The following CCDC63 variants were observed in gnomAD, a reference collection of about 807,000 sequenced individuals.
CCDC63 encodes coiled-coil domain-containing protein 63.
CCDC63 carries 54 observed loss-of-function variants against 63.6 expected under a neutral mutation model. The ratio of observed to expected loss-of-function variants is 0.85; its 90% CI spans 0.68 to 1.07. CCDC63 has a LOEUF of 1.07. Among genes scored for constraint, CCDC63 ranks in the 50% least tolerant of loss-of-function variants. The pLI is 0.00. For missense variants in CCDC63, 637 were observed against 689.6 expected, an observed-to-expected ratio of 0.92 and a Z score of 0.86; for synonymous variants, 253 against 266.1, an observed-to-expected ratio of 0.95 and a Z score of 0.48.
chr12:110,845,344 A>C (rs115112752), upstream of CCDC63, among the ~76,000 whole-genome samples: 2,150 of 152,138 alleles, frequency 0.014, 54 homozygotes, highest in African/African-American at 0.048. Flanking sequence ...GGCTGCTCAG[A>C]TTTGGGGCTG....
chr12:110,891,251 C>T (rs1353204124), intron 8 of CCDC63, among the ~76,000 whole-genome samples: 1 of 151,500 alleles, frequency 6.6e-6, no homozygotes, highest in African/African-American at 2.4e-5. Context: ...GCAGAGGTTG[C>T]AGTAAGCTGA....
chr12:110,883,663 G>A (rs970200619), intron 7 of CCDC63, among the ~76,000 whole-genome samples: 2 of 151,880 alleles, frequency 1.3e-5, no homozygotes, highest in Non-Finnish European at 2.9e-5. Flanking sequence ...TTTTTGAGAT[G>A]GAGTCTTGCT....
rs1366037857 is a variant in CCDC63, at chr12:110,881,300, C to T, written c.853+4C>T. 2.5e-6 allele frequency: 4 copies of T among 1,612,554 alleles called. No homozygotes were observed. In the Admixed American group the frequency reaches 6.7e-5, roughly 27 times the overall value. Reference sequence around the variant, plus strand: ...GAGCAGGCCAAAAGGGAGGAAGGTACACCCTCCAGGAGCAAGCTTGTGCTC... The same window carrying T: ...GAGCAGGCCAAAAGGGAGGAAGGTATACCCTCCAGGAGCAAGCTTGTGCTC... On this transcript the variant is annotated splice_donor_region_variant and intron_variant, in intron 7 of 11. Transcript: ENST00000308208.
chr12:110,868,918 C>T (rs1174179500), intron 4 of CCDC63, among the ~76,000 whole-genome samples: 1 of 152,152 alleles, frequency 6.6e-6, no homozygotes, highest in African/African-American at 2.4e-5. Context: ...TCATCTCTGC[C>T]ATCCTGTCAT....
At chr12:110,881,438 G>A in intron 7 of CCDC63, 142 bp downstream of exon 7, 1 of 828,022 alleles carries the variant, frequency 1.2e-6, no homozygotes, top group Non-Finnish European at 1.8e-6. Flanking sequence ...GCCTAGTTAA[G>A]GTTGTGCATG....
intron 11 of CCDC63, among the ~76,000 whole-genome samples, chr12:110,906,007 AT>A (rs2071570076): frequency 1.7e-5 from 1 of 57,420 alleles, no homozygotes; most frequent in Non-Finnish European, 3.1e-5. Context: ...TATATATTAT[AT>A]AATATAATAT....
intron 8 of CCDC63, among the ~76,000 whole-genome samples, chr12:110,887,958 G>A (rs1323763454): frequency 6.6e-6 from 1 of 152,118 alleles, no homozygotes; most frequent in Non-Finnish European, 1.5e-5. Flanking sequence ...ATTCTTAGTG[G>A]CAGTGATTTA....
rs139988623 is a variant in CCDC63, at chr12:110,863,228, G to A, written c.369+4453G>A. Among the ~76,000 whole-genome samples, 1,451 of 152,030 alleles carry A rather than the reference G, an allele frequency of 9.5e-3. 11 individuals carry two copies. The highest frequency in any genetic ancestry group is 0.014 in the Non-Finnish European group (973 of 68,006). On this transcript the variant is annotated intron_variant, in intron 4 of 11. Transcript: ENST00000308208. ...GACTCCACTGTGTGTGTCGGGGCAGGTGAAGCCCTTTAGTCTCGCTTTGAG... is the reference window on the plus strand; with the variant it reads ...GACTCCACTGTGTGTGTCGGGGCAGATGAAGCCCTTTAGTCTCGCTTTGAG...
intron 6 of CCDC63, among the ~76,000 whole-genome samples, 176 bp from the exon 7 acceptor site, chr12:110,880,939 G>C (rs1214804088): frequency 6.7e-6 from 1 of 149,472 alleles, no homozygotes; most frequent in Non-Finnish European, 1.5e-5. Context: ...GAGTGATCTA[G>C]AGCTTACAGC....
In CCDC63 at chr12:110,884,199, G is replaced by A. The variant is rs549200490; in HGVS notation, c.1023G>A (p.Thr341=). ...ATTTTGCTCGGTTCACGTATGTCAC[G>A]GAGCTCAACAACGACATGGAGATGA... The part of the protein sequence containing the change: ...EKNFARFTYV[T]ELNNDMEMMH... Residue 341 remains threonine (T), a synonymous_variant, in exon 8 of 12, where the codon ACG becomes ACA. Transcript: ENST00000308208. 20 of 1,614,086 alleles carry A rather than the reference G, an allele frequency of 1.2e-5. No homozygotes were observed. The highest frequency in any genetic ancestry group is 1.1e-4 in the East Asian group (5 of 44,870).
intron 7 of CCDC63, 48 bp from the exon 8 acceptor site, chr12:110,883,982 G>A (rs1409252544): frequency 1.4e-6 from 2 of 1,446,814 alleles, no homozygotes; most frequent in African/African-American, 2.8e-5. Flanking sequence ...GCACGGATCT[G>A]AGGAGCTTCC....
At chr12:110,867,845 A>C (rs1482223283) in intron 4 of CCDC63, among the ~76,000 whole-genome samples, 7 of 146,826 alleles carry the variant, frequency 4.8e-5, no homozygotes, top group South Asian at 2.2e-4. Flanking sequence ...GGCGCCCCTC[A>C]CCTCCCGGAC....
rs777781968 is a variant in CCDC63, at chr12:110,875,773, C to T, written c.489+1812C>T. 3.9e-5 allele frequency among the ~76,000 whole-genome samples: 6 copies of T among 152,012 alleles called. No individual in the cohort carries two copies. In the South Asian group the frequency reaches 8.3e-4, roughly 21 times the overall value. ...GGTCCCCTCTTCCCTTCATCCCTAA[C>T]GAGATGTGATTGTGCCTTTTAATAG... is the stretch of plus-strand genomic sequence containing the variant. On this transcript the variant is annotated intron_variant, in intron 5 of 11. Coordinates refer to ENST00000308208, the MANE Select transcript of CCDC63 (RefSeq NM_152591.3).
intron 8 of CCDC63, among the ~76,000 whole-genome samples, chr12:110,885,677 C>A (rs2071270325): frequency 6.6e-6 from 1 of 152,150 alleles, no homozygotes; most frequent in South Asian, 2.1e-4. Context: ...TAGTCCTGAC[C>A]CTGCACAAAT....
intron 10 of CCDC63, among the ~76,000 whole-genome samples, chr12:110,902,783 T>C (rs2071504853): frequency 6.6e-6 from 1 of 152,094 alleles, no homozygotes; most frequent in Non-Finnish European, 1.5e-5. Flanking sequence ...AGTGGCACAA[T>C]CTTGGCTCAC....
intron 4 of CCDC63, among the ~76,000 whole-genome samples, chr12:110,867,389 C>A (rs1240123346): frequency 8.0e-6 from 1 of 124,570 alleles, no homozygotes; most frequent in African/African-American, 3.2e-5. Context: ...GGCGGCTGGC[C>A]GGGCGGGGGG....
At chr12:110,867,248 A>C in intron 4 of CCDC63, among the ~76,000 whole-genome samples, 1 of 99,596 alleles carries the variant, frequency 1.0e-5, no homozygotes. Flanking sequence ...TCCCTCCCGG[A>C]CGGGGCGGCT....
chr12:110,854,446 C>T (rs932607238), intron 3 of CCDC63, among the ~76,000 whole-genome samples: 2 of 151,926 alleles, frequency 1.3e-5, no homozygotes, highest in African/African-American at 4.8e-5. Context: ...AGGCGCCCAC[C>T]ACCATGCCTG....
chr12:110,844,818 G>A (rs1266757598), upstream of CCDC63, among the ~76,000 whole-genome samples: 10 of 152,208 alleles, frequency 6.6e-5, no homozygotes, highest in African/African-American at 2.2e-4. Flanking sequence ...AAACAGATGA[G>A]GAGGCCAAAG....
Sources: allele counts gnomAD v4.1 joint callset (sites outside exome capture counted in the v4.1 genomes callset), GRCh38; gene constraint gnomAD v4.1.1; transcripts MANE v1.5; gene names NCBI Gene and HGNC (gene_info 2026-07-23, HGNC 2026-07-21).